The following JKAMP variants were observed in gnomAD, a reference collection of about 807,000 sequenced individuals.
JKAMP encodes JNK1/MAPK8-associated membrane protein.
Under a neutral mutation model 40.2 loss-of-function variants are expected in JKAMP, and 20 were observed. The observed-to-expected ratio is 0.50, with a 90% CI of 0.35 to 0.72. The LOEUF (loss-of-function observed/expected upper bound fraction) is 0.72, where lower values mean the gene tolerates loss of function less well. Among genes scored for constraint, JKAMP ranks in the 30% least tolerant of loss-of-function variants. JKAMP has a pLI of 0.01. For missense variants in JKAMP, 276 were observed against 373.0 expected (o/e 0.74, Z 2.14); for synonymous variants, 138 against 131.6 (o/e 1.05, Z -0.33).
chr14:59,495,544 TC>T (rs1459257270), intron 4 of JKAMP, among the ~76,000 whole-genome samples: 1 of 152,174 alleles, frequency 6.6e-6, no homozygotes, highest in Non-Finnish European at 1.5e-5. Flanking sequence ...TCTTTTTTTC[TC>T]CCCAAATAAG....
At chr14:59,493,005 A>G (rs1891144763) in intron 3 of JKAMP, among the ~76,000 whole-genome samples, 1 of 151,748 alleles carries the variant, frequency 6.6e-6, no homozygotes, top group Non-Finnish European at 1.5e-5. Flanking sequence ...TCACTGTGTT[A>G]GCCAGGATGG....
intron 1 of JKAMP, chr14:59,485,373 G>A (rs1890464588): frequency 2.7e-6 from 1 of 369,020 alleles, no homozygotes. Context: ...GAGGCCAGTG[G>A]GTTTAAAAAG....
At position 59,498,212 on chromosome 14, in the gene JKAMP, T is replaced by G. The variant is rs1364220403; in HGVS notation, c.459-515T>G. On this transcript the variant is annotated intron_variant, in intron 4 of 6. Transcript: ENST00000616435. Reference sequence around the variant, plus strand: ...ATTTTAAGGAATATTAAGGCTATACTATGACATGCTATCTTGTAAGTTGTT... The same window carrying G: ...ATTTTAAGGAATATTAAGGCTATACGATGACATGCTATCTTGTAAGTTGTT... 2.6e-5 allele frequency among the ~76,000 whole-genome samples: 4 copies of G among 152,354 alleles called. No individual in the cohort carries two copies. The East Asian group carries it at 7.7e-4, about 29-fold the overall frequency.
In JKAMP at chr14:59,505,300, A is replaced by G; in HGVS notation, c.*1228A>G. The stretch of plus-strand genomic sequence containing the variant: ...CACTGGGAAATGAACCCTTGTACGA[A>G]TGTGTTTCTTCTTCTCTGTAGGAAT... On this transcript the variant is annotated 3_prime_UTR_variant, in exon 7 of 7. Transcript: ENST00000616435. 1 of 1,497,916 alleles carries G rather than the reference A, an allele frequency of 6.7e-7. No individual in the cohort carries two copies. The highest frequency in any genetic ancestry group is 8.9e-7 in the Non-Finnish European group (1 of 1,119,854). 92.8% of individuals were successfully genotyped at this position (1,497,916 alleles called of 1,614,324 possible). A position where few individuals can be genotyped will look rare whatever the true frequency, so the allele number is the denominator to read the frequency against.
At position 59,504,807 on chromosome 14, in the gene JKAMP, T is replaced by TA; in HGVS notation, c.*736dup. The TA allele has an allele frequency of 6.5e-6, 1 of 153,630 alleles. No homozygotes were observed. Among genetic ancestry groups the TA allele is most frequent in the Non-Finnish European group, 1.5e-5 (1 of 68,762 alleles). The allele number at this position is 153,630 out of a possible 1,614,324, so 9.5% of individuals were successfully genotyped here. Reference sequence around the variant, plus strand: ...CTCTCATATCTCGGGTATATATACATACCATATTTTATTGATCCAGAGATA... The same window carrying TA: ...CTCTCATATCTCGGGTATATATACATAACCATATTTTATTGATCCAGAGATA... On this transcript the variant is annotated 3_prime_UTR_variant, in exon 7 of 7. Transcript: ENST00000616435.
At chr14:59,501,336 CATATG>C in intron 6 of JKAMP, 69 bp downstream of exon 6, 1 of 944,400 alleles carries the variant, frequency 1.1e-6, no homozygotes. Flanking sequence ...CAGAATAGTC[CATATG>C]ATATGATATA....
At position 59,484,541 on chromosome 14, in the gene JKAMP, G is replaced by C; in HGVS notation, c.-49G>C. ...TGTGGCCCGGATGTTCGGTGCAGCTGCCAGATCCGCTGATCTAGTGCTTCT... is the reference window on the plus strand; with the variant it reads ...TGTGGCCCGGATGTTCGGTGCAGCTCCCAGATCCGCTGATCTAGTGCTTCT... On this transcript the variant is annotated 5_prime_UTR_variant, in exon 1 of 7. Coordinates refer to ENST00000616435, the MANE Select transcript of JKAMP (RefSeq NM_016475.5). 6.4e-7 allele frequency: 1 copy of C among 1,561,798 alleles called. No individual in the cohort carries two copies. The highest frequency in any genetic ancestry group is 1.2e-5 in the South Asian group (1 of 84,888).
At chr14:59,486,682 T>C (rs894084625) in intron 1 of JKAMP, 31 bp from the exon 2 acceptor site, 12 of 1,406,970 alleles carry the variant, frequency 8.5e-6, no homozygotes, top group Non-Finnish European at 1.1e-5. Context: ...TCACAAAAGA[T>C]GTTACTATAC....
intron 5 of JKAMP, chr14:59,500,831 T>TA (rs1479366081): frequency 1.2e-5 from 2 of 160,164 alleles, no homozygotes; most frequent in Admixed American, 6.4e-5. Flanking sequence ...TTTTTATGGT[T>TA]AAAAAATCAA....
intron 3 of JKAMP, among the ~76,000 whole-genome samples, chr14:59,492,345 AAAG>A (rs1891082926): frequency 1.3e-5 from 2 of 152,246 alleles, no homozygotes; most frequent in African/African-American, 4.8e-5. Flanking sequence ...TTGCACTGAG[AAAG>A]AAGGAGATGG....
At chr14:59,492,069 ATATATT>A (rs1891057458) in intron 3 of JKAMP, among the ~76,000 whole-genome samples, 2 of 152,160 alleles carry the variant, frequency 1.3e-5, no homozygotes, top group Admixed American at 1.3e-4. Context: ...GCAACAAACA[ATATATT>A]TATGCTCTGA....
rs902099239 is a variant in JKAMP, at chr14:59,494,910, C to G, written c.252-108C>G. The G allele has an allele frequency of 7.8e-6, 6 of 771,016 alleles. No homozygotes were observed. The Admixed American group carries it at 9.9e-5, about 13-fold the overall frequency. The allele number at this position is 771,016 out of a possible 1,614,324, so 47.8% of individuals were successfully genotyped here. On this transcript the variant is annotated intron_variant, in intron 3 of 6. Coordinates refer to ENST00000616435, the MANE Select transcript of JKAMP (RefSeq NM_016475.5). Reference sequence around the variant, plus strand: ...AAGGTTATACTCGAGTAGTTTTTGACTTTTCTTATAGATTTAGAAATCTGT... The same window carrying G: ...AAGGTTATACTCGAGTAGTTTTTGAGTTTTCTTATAGATTTAGAAATCTGT...
rs762746470 is a variant in JKAMP, at chr14:59,495,119, G to A, written c.353G>A (p.Arg118His). The stretch of plus-strand genomic sequence containing the variant: ...GATCCAGTTGGTGTTCTTTATATTC[G>A]TTCATGTCGAGTATTGATGCTTTCT... ...VSDPVGVLYI[R>H]SCRVLMLSDW... Residue 118 changes from arginine (R) to histidine (H), a missense_variant, in exon 4 of 7, where the codon CGT (arginine) becomes CAT (histidine). By Grantham distance (29) the Arg-to-His change is conservative. Transcript: ENST00000616435. The A allele has an allele frequency of 1.2e-5, 20 of 1,613,150 alleles. 1 individual carries two copies. The East Asian group carries it at 3.1e-4, about 25-fold the overall frequency.
intron 1 of JKAMP, chr14:59,486,035 G>T (rs948855976): frequency 2.0e-5 from 3 of 152,144 alleles, no homozygotes; most frequent in Admixed American, 6.5e-5. Flanking sequence ...AGTTGTTGGG[G>T]TTTTTTTAAG....
intron 6 of JKAMP, 138 bp from the exon 7 acceptor site, chr14:59,503,716 T>A: frequency 1.6e-6 from 1 of 616,602 alleles, no homozygotes. Flanking sequence ...AGTGATTTCT[T>A]AAGTCTTTTT....
At chr14:59,499,872 C>A (rs1240541720) in intron 5 of JKAMP, among the ~76,000 whole-genome samples, 1 of 152,168 alleles carries the variant, frequency 6.6e-6, no homozygotes, top group Non-Finnish European at 1.5e-5. Flanking sequence ...TCCTCTATTT[C>A]CCTGTTAGAT....
intron 2 of JKAMP, 158 bp from the exon 3 acceptor site, chr14:59,487,513 TTTC>T: frequency 1.8e-6 from 1 of 556,138 alleles, no homozygotes; most frequent in Non-Finnish European, 3.2e-6. Flanking sequence ...ACAATATAGA[TTTC>T]TTTTTATTTT....
intron 1 of JKAMP, among the ~76,000 whole-genome samples, chr14:59,486,455 C>T (rs1411139079): frequency 6.6e-6 from 1 of 152,136 alleles, no homozygotes; most frequent in Non-Finnish European, 1.5e-5. Context: ...GCTTTGAGTC[C>T]TGGAGATAGA....
At position 59,487,075 on chromosome 14, in the gene JKAMP, C is replaced by T. The variant is rs112897124; in HGVS notation, c.96+271C>T. 1.9e-3 allele frequency: 447 copies of T among 239,558 alleles called. 4 individuals carry two copies. Among genetic ancestry groups the T allele is most frequent in the African/African-American group, 9.2e-3 (402 of 43,650 alleles). The allele number at this position is 239,558 out of a possible 1,614,324, so 14.8% of individuals were successfully genotyped here. Reference sequence around the variant, plus strand: ...AAAATTAGCTGGGCATAGTTGTGTGCGCCTGTAGTCCCAGCTACTCGGGAG... The same window carrying T: ...AAAATTAGCTGGGCATAGTTGTGTGTGCCTGTAGTCCCAGCTACTCGGGAG... On this transcript the variant is annotated intron_variant, in intron 2 of 6. Coordinates refer to ENST00000616435, the MANE Select transcript of JKAMP (RefSeq NM_016475.5).
Sources: allele counts gnomAD v4.1 joint callset (sites outside exome capture counted in the v4.1 genomes callset), GRCh38; gene constraint gnomAD v4.1.1; transcripts MANE v1.5; gene names NCBI Gene and HGNC (gene_info 2026-07-23, HGNC 2026-07-21).